The following FGF2 variants were observed in gnomAD, a reference collection of about 807,000 sequenced individuals.
FGF2 encodes the protein basic fibroblast growth factor bFGF.
FGF2 carries 13 observed loss-of-function variants against 15.9 expected under a neutral mutation model. The observed-to-expected ratio is 0.82, with a 90% CI of 0.53 to 1.30. FGF2 has a LOEUF of 1.30. Ranked by LOEUF, FGF2 falls within the 50% of genes most tolerant of loss-of-function variation. The pLI is 0.00. For synonymous variants in FGF2, 90 were observed against 78.4 expected, an observed-to-expected ratio of 1.15 and a Z score of -0.78; for missense variants, 163 against 196.9, an observed-to-expected ratio of 0.83 and a Z score of 1.03.
intron 2 of FGF2, among the ~76,000 whole-genome samples, chr4:122,887,016 G>T (rs1727072882): frequency 1.3e-5 from 2 of 152,204 alleles, no homozygotes; most frequent in South Asian, 4.2e-4. Flanking sequence ...TTGGCCATCT[G>T]TATCAATATT....
intron 1 of FGF2, among the ~76,000 whole-genome samples, chr4:122,838,939 A>G (rs1020424974): frequency 2.0e-5 from 3 of 152,224 alleles, no homozygotes; most frequent in African/African-American, 7.2e-5. Flanking sequence ...TAGGATTATA[A>G]TACTGTATTT....
intron 1 of FGF2, among the ~76,000 whole-genome samples, chr4:122,861,574 G>A (rs1051537233): frequency 4.0e-5 from 6 of 150,766 alleles, no homozygotes; most frequent in Middle Eastern, 3.4e-3. Flanking sequence ...CATGTCTCCC[G>A]TATTTGTTAC....
intron 1 of FGF2, among the ~76,000 whole-genome samples, chr4:122,834,436 A>G (rs914901266): frequency 1.3e-5 from 2 of 152,196 alleles, no homozygotes; most frequent in Non-Finnish European, 2.9e-5. Flanking sequence ...TTTAAATTCT[A>G]GATTCTGCCC....
intron 1 of FGF2, among the ~76,000 whole-genome samples, chr4:122,848,722 G>A (rs1726167002): frequency 6.6e-6 from 1 of 152,204 alleles, no homozygotes; most frequent in Admixed American, 6.5e-5. Flanking sequence ...AATGTCTGCT[G>A]CTTCTGTCAG....
chr4:122,892,888 A>G lies in FGF2; in HGVS notation c.*492A>G. The G allele has an allele frequency of 1.9e-6, 3 of 1,613,754 alleles. No individual in the cohort carries two copies. Among genetic ancestry groups the G allele is most frequent in the South Asian group, 2.2e-5 (2 of 91,042 alleles). On this transcript the variant is annotated 3_prime_UTR_variant, in exon 3 of 3. Coordinates refer to ENST00000644866, the MANE Select transcript of FGF2 (RefSeq NM_001361665.2). ...GCAGTTCCTTATGATAGAGTTTATAAAACAGTCCTGTGTAAACTGCTGGAA... is the reference window on the plus strand; with the variant it reads ...GCAGTTCCTTATGATAGAGTTTATAGAACAGTCCTGTGTAAACTGCTGGAA...
At chr4:122,858,688 G>A (rs1253455540) in intron 1 of FGF2, among the ~76,000 whole-genome samples, 1 of 152,104 alleles carries the variant, frequency 6.6e-6, no homozygotes, top group Non-Finnish European at 1.5e-5. Flanking sequence ...GTGAGCCACC[G>A]TGCCTGGCCA....
At chr4:122,852,811 A>G (rs1033908662) in intron 1 of FGF2, among the ~76,000 whole-genome samples, 1 of 152,168 alleles carries the variant, frequency 6.6e-6, no homozygotes, top group African/African-American at 2.4e-5. Context: ...CAAAGTCCAC[A>G]TCTTTATTAT....
intron 1 of FGF2, among the ~76,000 whole-genome samples, chr4:122,865,271 G>T (rs529280139): frequency 1.4e-5 from 2 of 144,884 alleles, no homozygotes; most frequent in African/African-American, 2.4e-5. Context: ...TATTTTCTCT[G>T]TTTTTTTTTG....
intron 2 of FGF2, 65 bp from the exon 3 acceptor site, chr4:122,892,146 T>G (rs1317039831): frequency 1.5e-6 from 2 of 1,326,928 alleles, no homozygotes; most frequent in Non-Finnish European, 2.1e-6. Context: ...TCATAAATAT[T>G]TAATATGAAA....
upstream of FGF2, chr4:122,826,702 A>G (rs1168054968): frequency 1.1e-5 from 14 of 1,256,032 alleles, no homozygotes; most frequent in Non-Finnish European, 1.4e-5. Context: ...CGCCGAACTC[A>G]GAGGCCGGCC....
chr4:122,884,202 A>G (rs982976232), intron 2 of FGF2, among the ~76,000 whole-genome samples: 4 of 152,226 alleles, frequency 2.6e-5, no homozygotes, highest in Non-Finnish European at 2.9e-5. Context: ...CAGGTTTAAG[A>G]TCAAATTTAG....
intron 2 of FGF2, among the ~76,000 whole-genome samples, chr4:122,891,086 G>A (rs1453575312): frequency 2.0e-5 from 3 of 147,390 alleles, no homozygotes; most frequent in Non-Finnish European, 4.5e-5. Flanking sequence ...TGTCTCCCAG[G>A]TTGGAGTGCA....
At chr4:122,872,104 T>C (rs907837783) in intron 1 of FGF2, among the ~76,000 whole-genome samples, 4 of 152,044 alleles carry the variant, frequency 2.6e-5, no homozygotes, top group African/African-American at 7.2e-5. Flanking sequence ...TCTAAACCAA[T>C]GCAAAGACGC....
chr4:122,869,027 T>TG (rs1726669045), intron 1 of FGF2, among the ~76,000 whole-genome samples: 2 of 152,216 alleles, frequency 1.3e-5, no homozygotes, highest in African/African-American at 4.8e-5. Context: ...CTTTGTTAGA[T>TG]GGGTAGATTG....
At position 122,876,194 on chromosome 4, in the gene FGF2, A is replaced by C. The variant is rs56248315; in HGVS notation, c.179-127A>C. ...TCCCTGTCACTCACCCATACCCCCA[A>C]CCTCACCAATCCTCCAAAGTGGATT... On this transcript the variant is annotated intron_variant, in intron 1 of 2. Coordinates refer to ENST00000644866, the MANE Select transcript of FGF2 (RefSeq NM_001361665.2). The C allele has an allele frequency of 1.7e-4, 122 of 714,058 alleles. No individual in the cohort carries two copies. The Middle Eastern group carries it at 2.3e-3, about 13-fold the overall frequency. 44.2% of individuals were successfully genotyped at this position (714,058 alleles called of 1,614,324 possible). A position where few individuals can be genotyped will look rare whatever the true frequency, so the allele number is the denominator to read the frequency against.
chr4:122,850,320 A>C (rs1287970514), intron 1 of FGF2, among the ~76,000 whole-genome samples: 3 of 152,248 alleles, frequency 2.0e-5, no homozygotes, highest in East Asian at 3.9e-4. Flanking sequence ...AAAATGTTAT[A>C]TATTTGTTTC....
chr4:122,891,500 GA>G lies in FGF2; in HGVS notation c.283-708del, dbSNP rs575030181. Among the ~76,000 whole-genome samples the G allele has an allele frequency of 3.4e-3, 512 of 150,210 alleles. 2 individuals are homozygous for G. Among genetic ancestry groups the G allele is most frequent in the Non-Finnish European group, 6.1e-3 (413 of 67,798 alleles). On this transcript the variant is annotated intron_variant, in intron 2 of 2. Transcript: ENST00000644866. ...CCCTCCCTCCTGAAAGAGACTGCCA[GA>G]AATCAGTATGATACTTACTTATTCC...
intron 1 of FGF2, among the ~76,000 whole-genome samples, chr4:122,870,065 G>C (rs1009383785): frequency 1.3e-5 from 2 of 152,138 alleles, no homozygotes; most frequent in Admixed American, 6.5e-5. Flanking sequence ...TTTATCAAAG[G>C]CCTTTTCTGC....
chr4:122,849,559 C>T (rs1001081652), intron 1 of FGF2, among the ~76,000 whole-genome samples: 6 of 151,858 alleles, frequency 4.0e-5, no homozygotes, highest in African/African-American at 1.2e-4. Context: ...GTGTAACAAA[C>T]CTGCACGTTC....
Sources: gnomAD v4.1 joint callset for allele counts (sites outside exome capture counted in the v4.1 genomes callset) on GRCh38, gnomAD v4.1.1 for gene constraint, MANE v1.5 for transcripts, NCBI Gene and HGNC (gene_info 2026-07-23, HGNC 2026-07-21) for gene names.